STAG1: variants seen among roughly 807,000 people sequenced by gnomAD.
STAG1 encodes STAG1 cohesin complex component, also known as cohesin subunit SA-1.
STAG1 carries 26 observed loss-of-function variants against 170.9 expected under a neutral mutation model. The ratio of observed to expected loss-of-function variants is 0.15; its 90% CI spans 0.11 to 0.21. The LOEUF (loss-of-function observed/expected upper bound fraction) is 0.21, where lower values mean the gene tolerates loss of function less well. Ranked by LOEUF, STAG1 falls within the 10% of genes least tolerant of loss-of-function variation. The pLI is 1.00. For missense variants in STAG1, 964 were observed against 1,509.5 expected (o/e 0.64, Z 5.99); for synonymous variants, 514 against 497.7 (o/e 1.03, Z -0.44).
chr3:136,513,940 A>C (rs1934211606), intron 7 of STAG1, among the ~76,000 whole-genome samples: 1 of 152,154 alleles, frequency 6.6e-6, no homozygotes, highest in Admixed American at 6.5e-5. Flanking sequence ...AAAAGAAAAA[A>C]AGTCAAAAAT....
At chr3:136,463,849 A>G (rs1476015372) in intron 13 of STAG1, among the ~76,000 whole-genome samples, 1 of 146,402 alleles carries the variant, frequency 6.8e-6, no homozygotes, top group Non-Finnish European at 1.5e-5. Context: ...ACATACATAT[A>G]TAAATATATA....
chr3:136,464,243 G>C (rs2089381404), intron 13 of STAG1, among the ~76,000 whole-genome samples: 1 of 151,816 alleles, frequency 6.6e-6, no homozygotes, highest in African/African-American at 2.4e-5. Context: ...GACCAACATG[G>C]AGAAACCCTG....
chr3:136,626,943 T>C (rs772404381), intron 2 of STAG1, among the ~76,000 whole-genome samples: 1 of 152,216 alleles, frequency 6.6e-6, no homozygotes, highest in Non-Finnish European at 1.5e-5. Context: ...GCAAATACTA[T>C]GTTTCGTATT....
At chr3:136,478,700 T>C (rs1393370961) in intron 9 of STAG1, among the ~76,000 whole-genome samples, 1 of 152,166 alleles carries the variant, frequency 6.6e-6, no homozygotes, top group Non-Finnish European at 1.5e-5. Context: ...TGTCATTGCT[T>C]AAGGATAAAA....
intron 3 of STAG1, among the ~76,000 whole-genome samples, chr3:136,606,199 T>C (rs1938927856): frequency 1.3e-5 from 2 of 152,108 alleles, no homozygotes; most frequent in African/African-American, 4.8e-5. Flanking sequence ...TGAATTTTTT[T>C]TTTTTTTGAG....
At chr3:136,356,885 T>G (rs921163259) in intron 28 of STAG1, among the ~76,000 whole-genome samples, 1 of 152,122 alleles carries the variant, frequency 6.6e-6, no homozygotes. Flanking sequence ...CCTGAGCAGC[T>G]GGGACTACAG....
At chr3:136,562,272 T>A (rs1429310962) in intron 5 of STAG1, among the ~76,000 whole-genome samples, 1 of 151,806 alleles carries the variant, frequency 6.6e-6, no homozygotes, top group African/African-American at 2.4e-5. Flanking sequence ...TTTTCTTTTT[T>A]TTTTTTAGAC....
At chr3:136,470,223 C>T (rs1471582256) in intron 12 of STAG1, among the ~76,000 whole-genome samples, 3 of 152,194 alleles carry the variant, frequency 2.0e-5, no homozygotes, top group Admixed American at 1.3e-4. Context: ...AGAAAATTTT[C>T]ACAATCTACT....
intron 3 of STAG1, among the ~76,000 whole-genome samples, chr3:136,617,888 A>C (rs1467490259): frequency 6.6e-6 from 1 of 152,242 alleles, no homozygotes; most frequent in Non-Finnish European, 1.5e-5. Context: ...AACAGTCTAC[A>C]TTAAACTACC....
intron 1 of STAG1, among the ~76,000 whole-genome samples, chr3:136,652,510 C>T (rs780821263): frequency 2.4e-4 from 37 of 152,164 alleles, no homozygotes; most frequent in Non-Finnish European, 5.0e-4. Flanking sequence ...ACAAAGACGC[C>T]TATTACCACT....
intron 12 of STAG1, among the ~76,000 whole-genome samples, chr3:136,465,730 C>T (rs1371748845): frequency 6.6e-6 from 1 of 151,898 alleles, no homozygotes; most frequent in Non-Finnish European, 1.5e-5. Context: ...TAGACCAACA[C>T]AAAAATTGAA....
At chr3:136,717,397 C>A (rs768818243) in intron 1 of STAG1, among the ~76,000 whole-genome samples, 2 of 152,170 alleles carry the variant, frequency 1.3e-5, no homozygotes, top group Non-Finnish European at 2.9e-5. Flanking sequence ...GGTGTGGTGG[C>A]TCATGCTTGT....
chr3:136,636,972 T>C (rs1246054306), intron 1 of STAG1, among the ~76,000 whole-genome samples: 1 of 152,088 alleles, frequency 6.6e-6, no homozygotes, highest in Non-Finnish European at 1.5e-5. Flanking sequence ...AACAGGCACA[T>C]GCACATATCT....
intron 4 of STAG1, among the ~76,000 whole-genome samples, chr3:136,569,819 A>C (rs1419447180): frequency 2.6e-5 from 4 of 152,166 alleles, no homozygotes; most frequent in South Asian, 4.1e-4. Flanking sequence ...ATTTTTAATA[A>C]GGAAAATTAT....
chr3:136,357,248 TAGA>T (rs756159687), intron 28 of STAG1, among the ~76,000 whole-genome samples: 18 of 152,164 alleles, frequency 1.2e-4, no homozygotes, highest in Non-Finnish European at 2.1e-4. Flanking sequence ...ATGCCCAGCC[TAGA>T]AGTTTTCTGG....
At chr3:136,459,834 A>G (rs1386832104) in intron 13 of STAG1, among the ~76,000 whole-genome samples, 1 of 152,182 alleles carries the variant, frequency 6.6e-6, no homozygotes, top group African/African-American at 2.4e-5. Context: ...ACTAAAACCT[A>G]TGAAGTACAG....
intron 3 of STAG1, among the ~76,000 whole-genome samples, chr3:136,620,854 G>C (rs1939814412): frequency 6.6e-6 from 1 of 152,124 alleles, no homozygotes; most frequent in African/African-American, 2.4e-5. Context: ...TTATGTAGTA[G>C]TAACTTCAGT....
At chr3:136,662,699 C>T (rs1349450538) in intron 1 of STAG1, among the ~76,000 whole-genome samples, 3 of 152,120 alleles carry the variant, frequency 2.0e-5, no homozygotes, top group Non-Finnish European at 4.4e-5. Flanking sequence ...CCTGCCTCAG[C>T]CCCCCAAAGT....
chr3:136,403,328 T>C (rs551358938), intron 21 of STAG1, among the ~76,000 whole-genome samples: 2 of 150,502 alleles, frequency 1.3e-5, no homozygotes, highest in Non-Finnish European at 3.0e-5. Flanking sequence ...GTGCGCTGCC[T>C]TTGGTGCAAA....
Sources: allele counts gnomAD v4.1 joint callset (sites outside exome capture counted in the v4.1 genomes callset), GRCh38; gene constraint gnomAD v4.1.1; transcripts MANE v1.5; gene names NCBI Gene and HGNC (gene_info 2026-07-23, HGNC 2026-07-21).